The following CADPS variants were observed in gnomAD, a reference collection of about 807,000 sequenced individuals.
The protein encoded by CADPS is calcium dependent secretion activator.
A neutral mutation model predicts 167.3 loss-of-function variants in CADPS; 57 were observed. The ratio of observed to expected loss-of-function variants is 0.34; its 90% CI spans 0.28 to 0.42. The LOEUF is 0.42. CADPS is among the 20% of genes least tolerant of loss of function. CADPS has a pLI of 1.00. For synonymous variants in CADPS, 676 were observed against 635.3 expected (o/e 1.06, Z -0.96); for missense variants, 1,414 against 1,738.1 (o/e 0.81, Z 3.32).
At chr3:62,704,289 T>C (rs985615109) in intron 3 of CADPS, among the ~76,000 whole-genome samples, 5 of 152,134 alleles carry the variant, frequency 3.3e-5, no homozygotes, top group Non-Finnish European at 7.3e-5. Context: ...TCATTCTTCA[T>C]TACCCTCACA....
chr3:62,537,914 C>T (rs981580820), intron 11 of CADPS, among the ~76,000 whole-genome samples: 2 of 150,268 alleles, frequency 1.3e-5, no homozygotes, highest in African/African-American at 2.5e-5. Flanking sequence ...TTTAAAAAAA[C>T]GTTGTCATTT....
At chr3:62,473,543 T>G (rs1236792308) in intron 24 of CADPS, among the ~76,000 whole-genome samples, 1 of 152,234 alleles carries the variant, frequency 6.6e-6, no homozygotes, top group Non-Finnish European at 1.5e-5. Flanking sequence ...CATGATAGTC[T>G]TTAATCAAGC....
At chr3:62,748,330 G>C (rs1225830330) in intron 3 of CADPS, among the ~76,000 whole-genome samples, 1 of 84,592 alleles carries the variant, frequency 1.2e-5, no homozygotes, top group Non-Finnish European at 2.1e-5. Flanking sequence ...TGGGCGAGAA[G>C]CGAGACTCCG....
chr3:62,662,368 G>T lies in CADPS; in HGVS notation c.915C>A (p.Ala305=). 1.2e-6 allele frequency: 2 copies of T among 1,613,882 alleles called. No individual in the cohort carries two copies. The highest frequency in any genetic ancestry group is 1.7e-6 in the Non-Finnish European group (2 of 1,179,896). ...GTCCATCCAGCTCTCGTCTGATCTG[G>T]GCTGCTTGCTCATCTGGATTGTCCA... The part of the protein sequence containing the change: ...CQLDNPDEQA[A]QIRRELDGRL... Residue 305 remains alanine, a synonymous_variant, in exon 4 of 30, where the codon GCC becomes GCA. Transcript: ENST00000383710.
chr3:62,532,785 G>T, intron 13 of CADPS, 86 bp downstream of exon 13: 2 of 1,174,776 alleles, frequency 1.7e-6, no homozygotes, highest in Non-Finnish European at 2.5e-6. Flanking sequence ...ATGAAGACAG[G>T]CAGATCCTAA....
chr3:62,448,621 T>TGG lies in CADPS; in HGVS notation c.3637-2826_3637-2825dup, dbSNP rs112771237. Among the ~76,000 whole-genome samples the TGG allele has an allele frequency of 3.4e-3, 510 of 149,732 alleles. 3 individuals carry two copies. The highest frequency in any genetic ancestry group is 0.01 in the African/African-American group (411 of 40,714). Reference sequence around the variant, plus strand: ...TTTGGTTCGGGATATTGAACTTTTTTGGGGGGGGGTGGTATGGAGTCTCAC... The same window carrying TGG: ...TTTGGTTCGGGATATTGAACTTTTTTGGGGGGGGGGGTGGTATGGAGTCTCAC... On this transcript the variant is annotated intron_variant, in intron 26 of 29. Coordinates refer to ENST00000383710, the MANE Select transcript of CADPS (RefSeq NM_003716.4).
Position 62,553,878 on chromosome 3 carries a change from AT to A in CADPS, c.1753+3526del, listed in dbSNP as rs554193009. Among the ~76,000 whole-genome samples the A allele has an allele frequency of 1.0e-2, 1,523 of 152,328 alleles. 17 individuals carry two copies. The highest frequency in any genetic ancestry group is 0.035 in the African/African-American group (1,447 of 41,574). ...CTGGGGACTGAATCTGAAGAATGTG[AT>A]GTGTGACCTCAAATGGGCTCTCCTT... On this transcript the variant is annotated intron_variant, in intron 10 of 29. Transcript: ENST00000383710.
chr3:62,662,168 G>T, intron 4 of CADPS, 146 bp downstream of exon 4: 1 of 696,570 alleles, frequency 1.4e-6, no homozygotes, highest in Non-Finnish European at 2.5e-6. Flanking sequence ...GAGAAAGGAG[G>T]GCTGAGGGCC....
At chr3:62,794,794 A>AAAAAAG (rs1463769166) in intron 1 of CADPS, among the ~76,000 whole-genome samples, 2 of 129,400 alleles carry the variant, frequency 1.5e-5, no homozygotes, top group South Asian at 2.3e-4. Context: ...AAAAAAAAAA[A>AAAAAAG]AAAAAAAAAT....
chr3:62,428,919 A>G (rs977726721), intron 28 of CADPS, among the ~76,000 whole-genome samples: 2 of 152,158 alleles, frequency 1.3e-5, no homozygotes, highest in Admixed American at 6.5e-5. Flanking sequence ...ACAGACTAGC[A>G]CTCTACAACA....
chr3:62,487,728 G>A (rs2150994084), intron 21 of CADPS, among the ~76,000 whole-genome samples: 1 of 152,198 alleles, frequency 6.6e-6, no homozygotes, highest in East Asian at 1.9e-4. Flanking sequence ...AATTATTTTT[G>A]TTGTTGTTGT....
At chr3:62,517,144 T>TA (rs1252648371) in intron 14 of CADPS, among the ~76,000 whole-genome samples, 2 of 152,106 alleles carry the variant, frequency 1.3e-5, no homozygotes, top group African/African-American at 2.4e-5. Context: ...CTGCTACCGG[T>TA]AATGCATTTT....
intron 24 of CADPS, chr3:62,473,938 C>T: frequency 2.4e-6 from 1 of 412,092 alleles, no homozygotes; most frequent in Non-Finnish European, 4.3e-6. Context: ...ACTATATGGC[C>T]ACCCCAACTC....
In CADPS at chr3:62,787,185, C is replaced by T. The variant is rs541201198; in HGVS notation, c.442-21201G>A. Among the ~76,000 whole-genome samples, 264 of 151,688 alleles carry T rather than the reference C, an allele frequency of 1.7e-3. 1 individual carries two copies. The highest frequency in any genetic ancestry group is 6.0e-3 in the African/African-American group (249 of 41,356). On this transcript the variant is annotated intron_variant, in intron 1 of 29. Transcript: ENST00000383710. The stretch of plus-strand genomic sequence containing the variant: ...TTGCATGCACCTGTGGTCCCACCTA[C>T]GTGGGAGGCTGAGGCAGGAGGATCA...
At chr3:62,477,269 A>G (rs1287128629) in intron 23 of CADPS, among the ~76,000 whole-genome samples, 1 of 151,126 alleles carries the variant, frequency 6.6e-6, no homozygotes, top group African/African-American at 2.4e-5. Flanking sequence ...ACCAAGCTAC[A>G]CAACATCTGG....
chr3:62,806,150 A>C (rs1293822390), intron 1 of CADPS, among the ~76,000 whole-genome samples: 1 of 152,194 alleles, frequency 6.6e-6, no homozygotes, highest in Non-Finnish European at 1.5e-5. Context: ...AAAGACACTA[A>C]TAAAGGATGA....
At chr3:62,700,902 G>A (rs1034308497) in intron 3 of CADPS, among the ~76,000 whole-genome samples, 2 of 152,088 alleles carry the variant, frequency 1.3e-5, no homozygotes, top group Non-Finnish European at 2.9e-5. Flanking sequence ...AGTTGTGGAG[G>A]CTGGAAGTCT....
At chr3:62,571,798 A>C (rs1414823239) in intron 8 of CADPS, among the ~76,000 whole-genome samples, 1 of 152,138 alleles carries the variant, frequency 6.6e-6, no homozygotes. Context: ...TCCCAACCTC[A>C]GTTGATCCAC....
intron 13 of CADPS, among the ~76,000 whole-genome samples, chr3:62,531,018 C>T (rs1364126851): frequency 6.6e-6 from 1 of 152,102 alleles, no homozygotes; most frequent in African/African-American, 2.4e-5. Flanking sequence ...AATAAGAAAT[C>T]CAAAACTGTT....
Sources: allele counts gnomAD v4.1 joint callset (sites outside exome capture counted in the v4.1 genomes callset), GRCh38; gene constraint gnomAD v4.1.1; transcripts MANE v1.5; gene names NCBI Gene and HGNC (gene_info 2026-07-23, HGNC 2026-07-21).